Variants in NUP210L observed in about 807,000 individuals in gnomAD.
NUP210L encodes the protein nucleoporin 210 like.
In NUP210L, 74 loss-of-function variants were observed where a neutral mutation model predicts 208.5. The observed-to-expected ratio is 0.35, with a 90% CI of 0.29 to 0.43. NUP210L has a LOEUF of 0.43. NUP210L is among the 20% of genes least tolerant of loss of function. NUP210L has a pLI of 1.00. For synonymous variants in NUP210L, 780 were observed against 816.9 expected (o/e 0.95, Z 0.77); for missense variants, 1,843 against 2,289.4 (o/e 0.81, Z 3.98).
rs1186100965 is a variant in NUP210L at position 154,023,313 on chromosome 1, C to T, written c.4123-16G>A. The T allele has an allele frequency of 6.3e-7, 1 of 1,590,310 alleles. No homozygotes were observed. Reference sequence around the variant, plus strand: ...CCGGTGCTACCTGTGGGAGACAAAACCTACTGGTACAGAGAAAGATGCACT... The same window carrying T: ...CCGGTGCTACCTGTGGGAGACAAAATCTACTGGTACAGAGAAAGATGCACT... On this transcript the variant is annotated splice_polypyrimidine_tract_variant and intron_variant, in intron 30 of 39. Transcript: ENST00000368559.
At chr1:154,025,358 T>C (rs78033257) in intron 30 of NUP210L, among the ~76,000 whole-genome samples, 184 bp downstream of exon 30, 1 of 83,538 alleles carries the variant, frequency 1.2e-5, no homozygotes, top group Non-Finnish European at 2.9e-5. Flanking sequence ...TCTTCTCCTT[T>C]TTTTTTTTTT....
intron 10 of NUP210L, among the ~76,000 whole-genome samples, chr1:154,119,585 T>C (rs1657505068): frequency 6.6e-6 from 1 of 151,888 alleles, no homozygotes; most frequent in African/African-American, 2.4e-5. Flanking sequence ...GGAAACCTGG[T>C]CTCAAAAAAC....
intron 27 of NUP210L, among the ~76,000 whole-genome samples, chr1:154,037,611 G>A (rs1652631805): frequency 6.6e-6 from 1 of 151,896 alleles, no homozygotes; most frequent in Non-Finnish European, 1.5e-5. Flanking sequence ...ACAGATTGTT[G>A]GATCTTATTT....
chr1:154,042,591 C>T (rs551823846), intron 27 of NUP210L, among the ~76,000 whole-genome samples: 116 of 148,762 alleles, frequency 7.8e-4, no homozygotes, highest in African/African-American at 2.2e-3. Context: ...CATGCCCGGC[C>T]AATGTTTTTG....
intron 12 of NUP210L, among the ~76,000 whole-genome samples, chr1:154,116,533 A>G (rs1266507294): frequency 2.0e-5 from 3 of 152,092 alleles, no homozygotes; most frequent in Non-Finnish European, 4.4e-5. Flanking sequence ...GTTTGGGACC[A>G]GCCTGGGCAA....
intron 27 of NUP210L, among the ~76,000 whole-genome samples, chr1:154,044,407 C>CAAA (rs577871170): frequency 2.3e-5 from 3 of 131,980 alleles, no homozygotes; most frequent in African/African-American, 8.6e-5. Flanking sequence ...AACTCTGTCT[C>CAAA]AAAAAAAAAA....
intron 25 of NUP210L, among the ~76,000 whole-genome samples, chr1:154,051,777 A>G (rs192885996): frequency 6.6e-6 from 1 of 152,352 alleles, no homozygotes; most frequent in African/African-American, 2.4e-5. Flanking sequence ...TCTGGGCTAC[A>G]GGCCAATCAA....
chr1:154,054,308 T>A lies in NUP210L; in HGVS notation c.3403A>T (p.Lys1135Ter), dbSNP rs1227294580. The A allele has an allele frequency of 6.2e-7, 1 of 1,614,036 alleles. No individual in the cohort carries two copies. Among genetic ancestry groups the A allele is most frequent in the Non-Finnish European group, 8.5e-7 (1 of 1,180,024 alleles). The change falls in exon 25 of 40, where the codon AAG becomes TAG. Residue 1135 changes from lysine to a stop codon, truncating the protein, a stop_gained. Coordinates refer to ENST00000368559, the Ensembl canonical transcript of NUP210L. LOFTEE classifies it high-confidence loss of function. ...TGAACCACAGCTGTGCCAACAATCT[T>A]CCCTGTAACTTGCCCCCTCCTATTA...
chr1:154,043,873 G>T (rs1653030914), intron 27 of NUP210L, among the ~76,000 whole-genome samples: 1 of 151,894 alleles, frequency 6.6e-6, no homozygotes, highest in African/African-American at 2.4e-5. Context: ...GTCTGCCTCG[G>T]CCTCCCAAAG....
chr1:154,109,154 C>T (rs532688096), intron 12 of NUP210L, among the ~76,000 whole-genome samples: 1 of 151,540 alleles, frequency 6.6e-6, no homozygotes, highest in South Asian at 2.1e-4. Context: ...AAGAAACATG[C>T]TTCACCTATA....
chr1:154,106,153 C>G (rs866697902), intron 12 of NUP210L, among the ~76,000 whole-genome samples: 1 of 151,968 alleles, frequency 6.6e-6, no homozygotes, highest in Non-Finnish European at 1.5e-5. Context: ...CCCAGCTACT[C>G]GGAAGGCTGA....
chr1:154,100,220 C>A, intron 13 of NUP210L, 77 bp from the exon 14 acceptor site: 1 of 1,356,202 alleles, frequency 7.4e-7, no homozygotes, highest in Non-Finnish European at 1.0e-6. Context: ...GAGGCCAAGG[C>A]AGGAAGATTG....
chr1:154,118,688 A>G, exon 11 of NUP210L: 5 of 1,600,382 alleles, frequency 3.1e-6, no homozygotes, highest in Non-Finnish European at 4.3e-6. Context: ...TTATAACGAT[A>G]TAACATTCCC....
chr1:154,013,367 A>C (rs1651058960), intron 33 of NUP210L, among the ~76,000 whole-genome samples: 1 of 152,138 alleles, frequency 6.6e-6, no homozygotes, highest in African/African-American at 2.4e-5. Flanking sequence ...TGAGGTCAGG[A>C]GTTTGAGACC....
At chr1:154,055,021 C>T (rs112143986) in intron 23 of NUP210L, among the ~76,000 whole-genome samples, 189 bp from the exon 24 acceptor site, 5 of 152,226 alleles carry the variant, frequency 3.3e-5, no homozygotes, top group African/African-American at 1.2e-4. Context: ...CGGCTTTGGC[C>T]TCCTGAGTGG....
intron 17 of NUP210L, among the ~76,000 whole-genome samples, chr1:154,066,277 G>A (rs1333441120): frequency 2.6e-5 from 4 of 152,156 alleles, no homozygotes; most frequent in East Asian, 1.9e-4. Context: ...ACTAAGATCA[G>A]AGCAGAACTG....
intron 14 of NUP210L, among the ~76,000 whole-genome samples, chr1:154,097,959 G>A (rs965499833): frequency 1.3e-5 from 2 of 152,138 alleles, no homozygotes; most frequent in African/African-American, 2.4e-5. Flanking sequence ...CCATCCACTC[G>A]GCCTGGCAGG....
chr1:154,148,030 T>C (rs1170902923), intron 2 of NUP210L, among the ~76,000 whole-genome samples: 1 of 144,018 alleles, frequency 6.9e-6, no homozygotes, highest in Non-Finnish European at 1.5e-5. Context: ...GGGGCCGAGG[T>C]GGGTGGATCA....
intron 7 of NUP210L, among the ~76,000 whole-genome samples, chr1:154,134,068 C>T (rs1483665063): frequency 6.0e-5 from 9 of 149,610 alleles, no homozygotes; most frequent in African/African-American, 1.7e-4. Context: ...GAGAATAACT[C>T]GAACCTGGGA....
Sources: gnomAD v4.1 joint callset for allele counts (sites outside exome capture counted in the v4.1 genomes callset) on GRCh38, gnomAD v4.1.1 for gene constraint, MANE v1.5 for transcripts, NCBI Gene and HGNC (gene_info 2026-07-23, HGNC 2026-07-21) for gene names.